Variants in PTPRT observed in about 807,000 individuals in gnomAD.
The protein encoded by PTPRT is protein tyrosine phosphatase receptor type T, also known as receptor-type tyrosine-protein phosphatase T.
A neutral mutation model predicts 176.8 loss-of-function variants in PTPRT; 56 were observed. The observed-to-expected ratio is 0.32, with a 90% CI of 0.26 to 0.40. The LOEUF is 0.40. PTPRT is among the 10% of genes least tolerant of loss of function. The pLI is 1.00. For synonymous variants in PTPRT, 783 were observed against 739.0 expected, an observed-to-expected ratio of 1.06 and a Z score of -0.96; for missense variants, 1,540 against 1,908.2, an observed-to-expected ratio of 0.81 and a Z score of 3.60.
intron 7 of PTPRT, among the ~76,000 whole-genome samples, chr20:42,511,954 C>A (rs1001805794): frequency 2.0e-5 from 3 of 152,072 alleles, no homozygotes; most frequent in Non-Finnish European, 2.9e-5. Flanking sequence ...GAACAAGGAA[C>A]AACATTCCAA....
chr20:42,985,540 G>A (rs1321735580), intron 1 of PTPRT, among the ~76,000 whole-genome samples: 1 of 152,224 alleles, frequency 6.6e-6, no homozygotes, highest in Non-Finnish European at 1.5e-5. Context: ...CAACAGAACA[G>A]AACAGAACCC....
chr20:42,985,121 T>C (rs569927896), intron 1 of PTPRT, among the ~76,000 whole-genome samples: 5 of 152,224 alleles, frequency 3.3e-5, no homozygotes, highest in African/African-American at 7.2e-5. Context: ...GTCAGGACTT[T>C]GAAGAGCAGG....
chr20:42,881,786 A>G (rs947836034), intron 2 of PTPRT, among the ~76,000 whole-genome samples: 7 of 151,978 alleles, frequency 4.6e-5, no homozygotes, highest in African/African-American at 1.7e-4. Context: ...AAGAGAAATC[A>G]ACAAAGTGAA....
At chr20:42,859,647 G>C (rs908184552) in intron 2 of PTPRT, among the ~76,000 whole-genome samples, 7 of 144,150 alleles carry the variant, frequency 4.9e-5, no homozygotes, top group African/African-American at 1.6e-4. Context: ...GCAGTGGCAC[G>C]ATCTTGGCTC....
chr20:42,805,840 G>A (rs1053257799), intron 2 of PTPRT, among the ~76,000 whole-genome samples: 20 of 151,708 alleles, frequency 1.3e-4, no homozygotes, highest in East Asian at 3.9e-4. Context: ...ATTGAGTCTC[G>A]ACCTATTCCC....
intron 11 of PTPRT, among the ~76,000 whole-genome samples, chr20:42,317,780 T>C (rs953002548): frequency 6.6e-6 from 1 of 152,206 alleles, no homozygotes; most frequent in Non-Finnish European, 1.5e-5. Context: ...CATAGGAATT[T>C]TCAGGCATGC....
At chr20:42,782,378 C>T (rs2077227475) in intron 3 of PTPRT, among the ~76,000 whole-genome samples, 1 of 152,178 alleles carries the variant, frequency 6.6e-6, no homozygotes, top group South Asian at 2.1e-4. Flanking sequence ...CTTAGGTGTC[C>T]AGGTCACAGA....
At chr20:42,383,662 A>G (rs940557335) in intron 9 of PTPRT, among the ~76,000 whole-genome samples, 4 of 152,180 alleles carry the variant, frequency 2.6e-5, no homozygotes, top group Non-Finnish European at 5.9e-5. Context: ...ATGCAAGCAT[A>G]TTATATTTTG....
At chr20:42,644,426 T>G (rs1364889756) in intron 7 of PTPRT, among the ~76,000 whole-genome samples, 1 of 152,144 alleles carries the variant, frequency 6.6e-6, no homozygotes, top group Non-Finnish European at 1.5e-5. Context: ...CTGATCTTCA[T>G]GTTTCCAAAG....
At chr20:43,090,431 C>A (rs2011786565) in intron 1 of PTPRT, among the ~76,000 whole-genome samples, 1 of 152,040 alleles carries the variant, frequency 6.6e-6, no homozygotes, top group Non-Finnish European at 1.5e-5. Flanking sequence ...CCACGCCTGG[C>A]TAATTTTTTT....
intron 7 of PTPRT, among the ~76,000 whole-genome samples, chr20:42,662,343 A>G (rs1447470299): frequency 6.6e-6 from 1 of 152,144 alleles, no homozygotes; most frequent in Non-Finnish European, 1.5e-5. Flanking sequence ...TTGTACTTAG[A>G]GTTCTATGGT....
intron 22 of PTPRT, among the ~76,000 whole-genome samples, chr20:42,112,526 A>AT (rs1040455722): frequency 2.6e-5 from 4 of 151,532 alleles, no homozygotes; most frequent in East Asian, 3.9e-4. Flanking sequence ...AAAAACAGAA[A>AT]TTTTTTTTAC....
intron 1 of PTPRT, among the ~76,000 whole-genome samples, chr20:42,979,703 T>C (rs1451555071): frequency 6.6e-6 from 1 of 152,042 alleles, no homozygotes; most frequent in African/African-American, 2.4e-5. Context: ...TTAGAAAAAT[T>C]CTAAATCCCC....
intron 12 of PTPRT, among the ~76,000 whole-genome samples, chr20:42,297,879 A>G (rs2057410832): frequency 6.6e-6 from 1 of 152,214 alleles, no homozygotes; most frequent in Non-Finnish European, 1.5e-5. Flanking sequence ...AAGACCAAAC[A>G]TCAGAAAACT....
chr20:42,244,664 T>C (rs1334604587), intron 14 of PTPRT, among the ~76,000 whole-genome samples: 3 of 152,218 alleles, frequency 2.0e-5, no homozygotes, highest in Non-Finnish European at 4.4e-5. Context: ...TAAGGGACCA[T>C]GTTCAGACTC....
intron 9 of PTPRT, among the ~76,000 whole-genome samples, chr20:42,442,734 G>T (rs1168964374): frequency 6.6e-6 from 1 of 152,192 alleles, no homozygotes; most frequent in Non-Finnish European, 1.5e-5. Flanking sequence ...GGACGAAGAC[G>T]AGAACAATTA....
Position 42,987,823 on chromosome 20 carries a change from G to A in PTPRT, c.89-101891C>T, listed in dbSNP as rs1180511374. On this transcript the variant is annotated intron_variant, in intron 1 of 30. Coordinates refer to ENST00000373187, the MANE Select transcript of PTPRT (RefSeq NM_007050.6). ...CTGTCTCTCCTTTCATGGCACTTAT[G>A]AAACGTGTAACATCTTAAGGCCACA... is the stretch of plus-strand genomic sequence containing the variant. Among the ~76,000 whole-genome samples, 3 of 152,128 alleles carry A rather than the reference G, an allele frequency of 2.0e-5. No homozygotes were observed. The East Asian group carries it at 5.8e-4, about 29-fold the overall frequency.
intron 17 of PTPRT, among the ~76,000 whole-genome samples, chr20:42,160,423 G>A (rs1989540474): frequency 6.6e-6 from 1 of 151,658 alleles, no homozygotes; most frequent in African/African-American, 2.4e-5. Context: ...TGTAAAACGT[G>A]AGGCCTAATG....
intron 10 of PTPRT, among the ~76,000 whole-genome samples, chr20:42,351,807 A>G (rs1435866956): frequency 2.0e-5 from 3 of 152,236 alleles, no homozygotes; most frequent in East Asian, 1.9e-4. Context: ...CTTGTGTGCA[A>G]TATACATTAT....
Sources: gnomAD v4.1 joint callset for allele counts (sites outside exome capture counted in the v4.1 genomes callset) on GRCh38, gnomAD v4.1.1 for gene constraint, MANE v1.5 for transcripts, NCBI Gene and HGNC (gene_info 2026-07-23, HGNC 2026-07-21) for gene names.